The following CNTNAP4 variants were observed in gnomAD, a reference collection of about 807,000 sequenced individuals.
CNTNAP4 encodes the protein contactin-associated protein-like 4.
In CNTNAP4, 98 loss-of-function variants were observed where a neutral mutation model predicts 148.4. That is an observed-to-expected ratio of 0.66 (90% confidence interval 0.56 to 0.78). CNTNAP4 has a LOEUF of 0.78. Ranked by LOEUF, CNTNAP4 falls within the 30% of genes least tolerant of loss-of-function variation. The pLI, the probability that CNTNAP4 is intolerant of heterozygous loss-of-function variation, is 0.00. For missense variants in CNTNAP4, 1,935 were observed against 1,565.6 expected (o/e 1.24, Z -3.98); for synonymous variants, 730 against 565.1 (o/e 1.29, Z -4.14).
At chr16:76,353,665 T>C (rs1886143614) in intron 2 of CNTNAP4, among the ~76,000 whole-genome samples, 1 of 152,054 alleles carries the variant, frequency 6.6e-6, no homozygotes, top group Non-Finnish European at 1.5e-5. Flanking sequence ...ATCCTGCTTG[T>C]CATACAGAAG....
At chr16:76,307,197 T>C (rs2143992135) in intron 1 of CNTNAP4, among the ~76,000 whole-genome samples, 1 of 152,144 alleles carries the variant, frequency 6.6e-6, no homozygotes, top group Admixed American at 6.6e-5. Flanking sequence ...CGTAATTAAT[T>C]TAAATTATGT....
At chr16:76,426,007 T>C (rs982401418) in intron 3 of CNTNAP4, among the ~76,000 whole-genome samples, 5 of 152,058 alleles carry the variant, frequency 3.3e-5, no homozygotes, top group Non-Finnish European at 7.4e-5. Flanking sequence ...GGTGAGGTGA[T>C]GCTTTGTTGA....
At chr16:76,454,322 T>C (rs571400980) in intron 8 of CNTNAP4, among the ~76,000 whole-genome samples, 3 of 152,192 alleles carry the variant, frequency 2.0e-5, no homozygotes, top group African/African-American at 7.2e-5. Flanking sequence ...TCCATGTTGA[T>C]CAGGCTGAAG....
In CNTNAP4 at chr16:76,506,274, A is replaced by T. The variant is rs2082830635; in HGVS notation, c.2365+7580A>T. On this transcript the variant is annotated intron_variant, in intron 15 of 23. Coordinates refer to ENST00000611870, the MANE Select transcript of CNTNAP4 (RefSeq NM_033401.5). ...TAGCATGTATAAAAATTACTTGGAG[A>T]GCTTGTTGTAGCACAGATTTCCACT... Among the ~76,000 whole-genome samples the T allele has an allele frequency of 2.1e-5, 2 of 94,322 alleles. 1 individual carries two copies. Among genetic ancestry groups the T allele is most frequent in the Non-Finnish European group, 6.0e-5 (2 of 33,274 alleles). 61.9% of individuals were successfully genotyped at this position (94,322 alleles called of 152,430 possible).
intron 21 of CNTNAP4, among the ~76,000 whole-genome samples, chr16:76,553,077 C>A (rs947879310): frequency 1.3e-5 from 2 of 152,218 alleles, no homozygotes; most frequent in African/African-American, 4.8e-5. Context: ...ATAATCCATG[C>A]TTAAAAACTT....
chr16:76,488,691 C>G (rs936045357), intron 12 of CNTNAP4, among the ~76,000 whole-genome samples: 2 of 152,172 alleles, frequency 1.3e-5, no homozygotes, highest in African/African-American at 4.8e-5. Context: ...TGACAACTTT[C>G]ACTCTGTTTT....
intron 8 of CNTNAP4, among the ~76,000 whole-genome samples, chr16:76,460,149 C>T (rs1027445565): frequency 1.3e-5 from 2 of 151,700 alleles, no homozygotes; most frequent in Non-Finnish European, 2.9e-5. Context: ...CTCTTGTTGC[C>T]CAGGCTGGAG....
chr16:76,329,676 C>G (rs946123000), intron 2 of CNTNAP4, among the ~76,000 whole-genome samples: 1 of 151,982 alleles, frequency 6.6e-6, no homozygotes, highest in Non-Finnish European at 1.5e-5. Context: ...ATTTAAGTGA[C>G]GTAAGGATTA....
At chr16:76,387,890 T>C (rs558429938) in intron 3 of CNTNAP4, among the ~76,000 whole-genome samples, 1 of 152,352 alleles carries the variant, frequency 6.6e-6, no homozygotes, top group South Asian at 2.1e-4. Flanking sequence ...ATTGTTATTA[T>C]AATGCAAACA....
chr16:76,540,532 A>G (rs1475281196), intron 20 of CNTNAP4, among the ~76,000 whole-genome samples, 171 bp from the exon 21 acceptor site: 1 of 151,722 alleles, frequency 6.6e-6, no homozygotes, highest in African/African-American at 2.4e-5. Context: ...AATAACACTT[A>G]GAAAAACCTT....
intron 6 of CNTNAP4, 88 bp from the exon 7 acceptor site, chr16:76,449,624 GTGA>G: frequency 9.2e-7 from 1 of 1,081,092 alleles, no homozygotes; most frequent in Non-Finnish European, 1.3e-6. Flanking sequence ...TGATCTGTGT[GTGA>G]TGATTATAGC....
chr16:76,481,803 C>T (rs1312837449), intron 12 of CNTNAP4, among the ~76,000 whole-genome samples: 1 of 152,070 alleles, frequency 6.6e-6, no homozygotes, highest in Admixed American at 6.6e-5. Flanking sequence ...AGTTCTGAGA[C>T]AGATGATCTT....
intron 8 of CNTNAP4, among the ~76,000 whole-genome samples, chr16:76,455,467 G>A (rs1408479530): frequency 6.6e-6 from 1 of 152,168 alleles, no homozygotes; most frequent in Non-Finnish European, 1.5e-5. Flanking sequence ...CTGCACCCAG[G>A]AGAGCCATTT....
rs1413294654 is a variant in CNTNAP4, at chr16:76,476,116, G to C, written c.1762+71G>C. ...TTGTCCCATTTCCCTTTTCATTGCT[G>C]TGTGTATATATGTCTGTTCTGTGCA... On this transcript the variant is annotated intron_variant, in intron 11 of 23. Transcript: ENST00000611870. 2.8e-5 allele frequency: 29 copies of C among 1,020,438 alleles called. No individual in the cohort carries two copies. The Admixed American group carries it at 5.3e-4, about 18-fold the overall frequency. The allele number at this position is 1,020,438 out of a possible 1,614,324, so 63.2% of individuals were successfully genotyped here.
chr16:76,548,787 G>A (rs1237405021), intron 21 of CNTNAP4, among the ~76,000 whole-genome samples: 1 of 152,102 alleles, frequency 6.6e-6, no homozygotes, highest in Non-Finnish European at 1.5e-5. Context: ...CACCTACCCT[G>A]TTCTAACTCA....
intron 23 of CNTNAP4, among the ~76,000 whole-genome samples, chr16:76,555,394 G>A (rs1331686012): frequency 6.6e-6 from 1 of 152,144 alleles, no homozygotes; most frequent in Non-Finnish European, 1.5e-5. Context: ...TTGAAGAGGA[G>A]TTAATAATTG....
At chr16:76,493,611 A>G (rs1319156292) in intron 13 of CNTNAP4, among the ~76,000 whole-genome samples, 1 of 152,052 alleles carries the variant, frequency 6.6e-6, no homozygotes, top group Non-Finnish European at 1.5e-5. Context: ...AAGAATAACT[A>G]TTTTTCTTTT....
At chr16:76,310,452 G>A (rs1284924813) in intron 1 of CNTNAP4, among the ~76,000 whole-genome samples, 1 of 152,094 alleles carries the variant, frequency 6.6e-6, no homozygotes, top group East Asian at 1.9e-4. Flanking sequence ...GTTTTGTTCA[G>A]GAAAATAGAT....
At chr16:76,524,988 T>C (rs1472434656) in intron 17 of CNTNAP4, among the ~76,000 whole-genome samples, 1 of 151,858 alleles carries the variant, frequency 6.6e-6, no homozygotes, top group African/African-American at 2.4e-5. Flanking sequence ...AAAAAACACT[T>C]GTAGTCTTGG....
Sources: gnomAD v4.1 joint callset for allele counts (sites outside exome capture counted in the v4.1 genomes callset) on GRCh38, gnomAD v4.1.1 for gene constraint, MANE v1.5 for transcripts, NCBI Gene and HGNC (gene_info 2026-07-23, HGNC 2026-07-21) for gene names.